ZNF638: variants seen among roughly 807,000 people sequenced by gnomAD.
ZNF638 encodes zinc finger protein 638, also known as CTCL tumor antigen se33-1.
Under a neutral mutation model 195.6 loss-of-function variants are expected in ZNF638, and 46 were observed. That is an observed-to-expected ratio of 0.24 (90% confidence interval 0.19 to 0.30). The LOEUF is 0.30. Among genes scored for constraint, ZNF638 ranks in the 10% least tolerant of loss-of-function variants. ZNF638 has a pLI of 1.00. For missense variants in ZNF638, 2,440 were observed against 2,325.3 expected, an observed-to-expected ratio of 1.05 and a Z score of -1.01; for synonymous variants, 845 against 772.0, an observed-to-expected ratio of 1.09 and a Z score of -1.57.
In ZNF638 at chr2:71,349,486, A is replaced by C. The variant is rs1196075636; in HGVS notation, c.532A>C (p.Arg178=). 1.2e-6 allele frequency: 2 copies of C among 1,614,078 alleles called. No homozygotes were observed. Among genetic ancestry groups the C allele is most frequent in the African/African-American group, 1.3e-5 (1 of 74,932 alleles). Residue 178 remains arginine (R), a synonymous_variant, in exon 2 of 28, where the codon AGA becomes CGA. Transcript: ENST00000264447. The stretch of plus-strand genomic sequence containing the variant: ...TATGCCATTAATTTTGAGGGATATA[A>C]GAATGCGAAAAATGGGGCGCCGATT... ...ENMPLILRDI[R]MRKMGRRLPN...
At chr2:71,399,915 G>C (rs938269005) in intron 13 of ZNF638, among the ~76,000 whole-genome samples, 197 bp from the exon 14 acceptor site, 1 of 151,940 alleles carries the variant, frequency 6.6e-6, no homozygotes, top group Non-Finnish European at 1.5e-5. Context: ...CATCTTTAAG[G>C]TATATTTTGA....
intron 23 of ZNF638, 48 bp downstream of exon 23, chr2:71,424,763 C>A: frequency 1.4e-6 from 2 of 1,428,280 alleles, no homozygotes; most frequent in African/African-American, 1.4e-5. Flanking sequence ...ATCTCCATAG[C>A]ACAGTTCATC....
At position 71,393,517 on chromosome 2, in the gene ZNF638, C is replaced by G. The variant is rs148248426; in HGVS notation, c.2378-2624C>G. 3.3e-4 allele frequency: 240 copies of G among 717,946 alleles called. 2 individuals are homozygous for G. The African/African-American group carries it at 3.9e-3, about 12-fold the overall frequency. 44.5% of individuals were successfully genotyped at this position (717,946 alleles called of 1,614,324 possible). On this transcript the variant is annotated intron_variant, in intron 10 of 27. Transcript: ENST00000264447. ...GCAGCTCCAGACAACACAGCTTCCT[C>G]AGACGACACAAGCCCCGGACATTAC...
At chr2:71,373,011 G>T (rs201147864) in intron 8 of ZNF638, among the ~76,000 whole-genome samples, 1 of 152,120 alleles carries the variant, frequency 6.6e-6, no homozygotes, top group Non-Finnish European at 1.5e-5. Context: ...TATGATAGTG[G>T]TTTTTTAGGT....
At chr2:71,369,331 A>G (rs947680896) in intron 7 of ZNF638, among the ~76,000 whole-genome samples, 1 of 151,862 alleles carries the variant, frequency 6.6e-6, no homozygotes, top group Non-Finnish European at 1.5e-5. Flanking sequence ...TCAAAAAAAA[A>G]AAAAAAAAAA....
chr2:71,346,072 C>CA (rs2078846003), intron 1 of ZNF638, among the ~76,000 whole-genome samples: 2 of 152,138 alleles, frequency 1.3e-5, no homozygotes, highest in East Asian at 3.8e-4. Flanking sequence ...GAGATTGTTC[C>CA]AAATGATACT....
Position 71,426,945 on chromosome 2 carries a change from A to C in ZNF638, c.5076A>C (p.Leu1692=). The C allele has an allele frequency of 6.2e-7, 1 of 1,613,860 alleles. No individual in the cohort carries two copies. The highest frequency in any genetic ancestry group is 8.5e-7 in the Non-Finnish European group (1 of 1,179,882). ...TVDEIGEVEE[L]PLNESADITF... ...ATGAAATTGGAGAAGTGGAAGAGCT[A>C]CCTTTGAATGAGTCAGCAGACATAA... is the stretch of plus-strand genomic sequence containing the variant. Residue 1692 remains leucine, a synonymous_variant, in exon 24 of 28, where the codon CTA becomes CTC. Coordinates refer to ENST00000264447, the MANE Select transcript of ZNF638 (RefSeq NM_014497.5).
intron 21 of ZNF638, among the ~76,000 whole-genome samples, chr2:71,422,115 TTTC>T (rs2080445239): frequency 6.6e-6 from 1 of 152,182 alleles, no homozygotes; most frequent in African/African-American, 2.4e-5. Context: ...TTTTAATGCA[TTTC>T]TTCTTATAGC....
intron 23 of ZNF638, among the ~76,000 whole-genome samples, chr2:71,426,153 T>C (rs1427787285): frequency 6.6e-6 from 1 of 152,218 alleles, no homozygotes; most frequent in Non-Finnish European, 1.5e-5. Flanking sequence ...TGACAAATAC[T>C]TTAAATGTAT....
chr2:71,332,330 G>A (rs2078586390), intron 1 of ZNF638, among the ~76,000 whole-genome samples: 1 of 152,260 alleles, frequency 6.6e-6, no homozygotes, highest in Admixed American at 6.5e-5. Flanking sequence ...GGCCCGAAGA[G>A]GCGGTGGAGT....
intron 2 of ZNF638, among the ~76,000 whole-genome samples, chr2:71,353,052 G>C (rs867932324): frequency 6.7e-6 from 1 of 148,636 alleles, no homozygotes; most frequent in Non-Finnish European, 1.5e-5. Context: ...ACTGCCTCTC[G>C]TTTCTGTGAT....
chr2:71,434,510 TTCTA>T (rs533077730), intron 27 of ZNF638, among the ~76,000 whole-genome samples: 2 of 152,216 alleles, frequency 1.3e-5, no homozygotes, highest in African/African-American at 4.8e-5. Context: ...GTATAAAAGA[TTCTA>T]TCTGTCTTGT....
rs138411029 is a variant in ZNF638 at position 71,403,901 on chromosome 2, A to G, written c.2861A>G (p.Glu954Gly). 5 of 1,593,782 alleles carry G rather than the reference A, an allele frequency of 3.1e-6. No homozygotes were observed. Among genetic ancestry groups the G allele is most frequent in the Non-Finnish European group, 4.3e-6 (5 of 1,164,252 alleles). The change falls in exon 17 of 28, where the codon GAG (glutamate) becomes GGG (glycine). Residue 954 changes from glutamate to glycine, a missense_variant. Physicochemically the swap from Glu to Gly is moderately conservative, Grantham distance 98. Around this residue, in one of 5 missense-constraint regions of ZNF638, gnomAD observed 1,883 missense variants for 1,739.1 expected, o/e 1.08. Coordinates refer to ENST00000264447, the MANE Select transcript of ZNF638 (RefSeq NM_014497.5). ...ATAGAAATAAATAGAAAAGCTGCTG[A>G]GTCTATGGTAAAATTTTATACCTGC... ...AYIEINRKAA[E>G]SMVKFYTCFP...
intron 8 of ZNF638, among the ~76,000 whole-genome samples, chr2:71,377,036 G>A (rs898130484): frequency 6.6e-6 from 1 of 152,102 alleles, no homozygotes; most frequent in Non-Finnish European, 1.5e-5. Context: ...ACTTTGGGAG[G>A]CCGAGGCAGG....
At chr2:71,401,437 T>G (rs949964853) in intron 15 of ZNF638, among the ~76,000 whole-genome samples, 1 of 152,184 alleles carries the variant, frequency 6.6e-6, no homozygotes, top group Non-Finnish European at 1.5e-5. Context: ...ATTATCTTAT[T>G]CAGGAAGATA....
intron 2 of ZNF638, among the ~76,000 whole-genome samples, chr2:71,351,158 T>C (rs2078933766): frequency 6.6e-6 from 1 of 152,220 alleles, no homozygotes; most frequent in South Asian, 2.1e-4. Flanking sequence ...GAAAAAGCTT[T>C]GATTCAAGGC....
chr2:71,418,411 A>C lies in ZNF638; in HGVS notation c.3262-191A>C, dbSNP rs138182372. The C allele has an allele frequency of 7.1e-5, 28 of 392,612 alleles. No homozygotes were observed. In the East Asian group the frequency reaches 1.0e-3, roughly 15 times the overall value. 24.3% of individuals were successfully genotyped at this position (392,612 alleles called of 1,614,324 possible). A position where few individuals can be genotyped will look rare whatever the true frequency, so the allele number is the denominator to read the frequency against. On this transcript the variant is annotated intron_variant, in intron 20 of 27. Coordinates refer to ENST00000264447, the MANE Select transcript of ZNF638 (RefSeq NM_014497.5). ...TAATATAAGTTATTGTGTGTGACCT[A>C]ATTTGGAGGTCTTTAATTAGAAAAA...
chr2:71,361,947 G>C lies in ZNF638; in HGVS notation c.1380-1206G>C, dbSNP rs758846540. Among the ~76,000 whole-genome samples, 4 of 152,174 alleles carry C rather than the reference G, an allele frequency of 2.6e-5. 1 individual carries two copies. In the East Asian group the frequency reaches 7.7e-4, roughly 29 times the overall value. On this transcript the variant is annotated intron_variant, in intron 3 of 27. Coordinates refer to ENST00000264447, the MANE Select transcript of ZNF638 (RefSeq NM_014497.5). ...CCACTTTAATAAGGTTCGACCTAAC[G>C]TTATTTTCCTGCTAGGTGATTTGTC...
At chr2:71,430,376 A>G (rs775116530) in intron 25 of ZNF638, among the ~76,000 whole-genome samples, 1 of 152,154 alleles carries the variant, frequency 6.6e-6, no homozygotes, top group African/African-American at 2.4e-5. Flanking sequence ...AAAGGAAGAT[A>G]CCTTTTTCTT....
Sources: gnomAD v4.1 joint callset for allele counts (sites outside exome capture counted in the v4.1 genomes callset) on GRCh38, gnomAD v4.1.1 for gene constraint, gnomAD v4.1.1 regional missense constraint, MANE v1.5 for transcripts, NCBI Gene and HGNC (gene_info 2026-07-23, HGNC 2026-07-21) for gene names.